EYS: variants seen among roughly 807,000 people sequenced by gnomAD.
The protein encoded by EYS is protein eyes shut homolog.
A neutral mutation model predicts 282.1 loss-of-function variants in EYS; 250 were observed. That is an observed-to-expected ratio of 0.89 (90% CI 0.80 to 0.98). EYS has a LOEUF of 0.98. Ranked by LOEUF, EYS falls within the 50% of genes least tolerant of loss-of-function variation. EYS has a pLI of 0.00. For missense variants in EYS, 4,016 were observed against 3,709.0 expected (o/e 1.08, Z -2.15); for synonymous variants, 1,355 against 1,282.9 (o/e 1.06, Z -1.20).
intron 31 of EYS, among the ~76,000 whole-genome samples, chr6:64,088,990 A>G (rs1772258835): frequency 6.6e-6 from 1 of 151,952 alleles, no homozygotes; most frequent in Non-Finnish European, 1.5e-5. Flanking sequence ...GAAACAGAAT[A>G]TTGTTTGCTA....
chr6:65,398,107 G>T (rs1320017679), intron 7 of EYS, among the ~76,000 whole-genome samples: 1 of 151,836 alleles, frequency 6.6e-6, no homozygotes, highest in East Asian at 1.9e-4. Flanking sequence ...GGGGTTATTT[G>T]ATTTTTTCCT....
intron 26 of EYS, among the ~76,000 whole-genome samples, chr6:64,552,616 A>C (rs149927563): frequency 1.4e-4 from 22 of 152,230 alleles, no homozygotes; most frequent in African/African-American, 5.3e-4. Context: ...ATTGCCAATT[A>C]GAAAATCTTT....
At chr6:63,782,428 G>A (rs1770254105) in intron 39 of EYS, among the ~76,000 whole-genome samples, 1 of 152,088 alleles carries the variant, frequency 6.6e-6, no homozygotes, top group Non-Finnish European at 1.5e-5. Flanking sequence ...CAATTTCAGA[G>A]CCTGTTATTG....
At chr6:65,405,094 A>G (rs1766669523) in intron 6 of EYS, 80 bp downstream of exon 6, 1 of 949,826 alleles carries the variant, frequency 1.1e-6, no homozygotes, top group Non-Finnish European at 1.7e-6. Flanking sequence ...AAGGATTCTA[A>G]TTATTTATTC....
At chr6:65,350,379 C>A (rs985043544) in intron 9 of EYS, among the ~76,000 whole-genome samples, 2 of 150,930 alleles carry the variant, frequency 1.3e-5, no homozygotes, top group Non-Finnish European at 3.0e-5. Context: ...TGTCTTCTAC[C>A]AGAAGATCCA....
intron 12 of EYS, among the ~76,000 whole-genome samples, chr6:65,251,456 C>CAAA (rs5876955): frequency 1.4e-5 from 2 of 146,914 alleles, no homozygotes; most frequent in African/African-American, 5.0e-5. Context: ...GATTTCCAAA[C>CAAA]AAAAAAAAAC....
At chr6:65,494,265 AT>A (rs1766149405) in intron 4 of EYS, among the ~76,000 whole-genome samples, 1 of 151,008 alleles carries the variant, frequency 6.6e-6, no homozygotes, top group Non-Finnish European at 1.5e-5. Flanking sequence ...TTATTTATTT[AT>A]TTTATTTTAT....
intron 5 of EYS, among the ~76,000 whole-genome samples, chr6:65,411,750 C>T (rs942435599): frequency 2.7e-5 from 4 of 150,918 alleles, no homozygotes; most frequent in African/African-American, 9.7e-5. Flanking sequence ...TTGGAATTGT[C>T]TTTTTTGTCC....
Position 64,649,739 on chromosome 6 carries a change from T to A in EYS, c.3444-23494A>T, listed in dbSNP as rs150844881. Among the ~76,000 whole-genome samples, 16 of 152,306 alleles carry A rather than the reference T, an allele frequency of 1.1e-4. No homozygotes were observed. The East Asian group carries it at 3.1e-3, about 29-fold the overall frequency. ...TTATCTGACAAATATCTCAAAGACA[T>A]GACAAATCAATGTCCAAGAGAAAAA... On this transcript the variant is annotated intron_variant, in intron 22 of 42. Coordinates refer to ENST00000503581, the MANE Select transcript of EYS (RefSeq NM_001142800.2).
chr6:65,439,761 C>T (rs950639394), intron 5 of EYS, among the ~76,000 whole-genome samples: 3 of 151,976 alleles, frequency 2.0e-5, no homozygotes, highest in South Asian at 2.1e-4. Context: ...TATGTGTGTC[C>T]TCACAATTTC....
chr6:65,500,403 A>C (rs1352955731), intron 2 of EYS, among the ~76,000 whole-genome samples: 2 of 152,046 alleles, frequency 1.3e-5, no homozygotes, highest in Non-Finnish European at 2.9e-5. Flanking sequence ...TGGCACTTTT[A>C]TAAATTATGA....
At chr6:65,128,482 C>T (rs1031094915) in intron 12 of EYS, among the ~76,000 whole-genome samples, 1 of 152,004 alleles carries the variant, frequency 6.6e-6, no homozygotes, top group African/African-American at 2.4e-5. Flanking sequence ...AGTAAAGTTT[C>T]ACAGTACAAA....
chr6:63,937,585 G>T (rs1452259887), intron 35 of EYS, among the ~76,000 whole-genome samples: 1 of 151,324 alleles, frequency 6.6e-6, no homozygotes, highest in Non-Finnish European at 1.5e-5. Flanking sequence ...GTTTCACTGT[G>T]TTAGCCAGGA....
intron 24 of EYS, among the ~76,000 whole-genome samples, chr6:64,605,724 A>G (rs997892799): frequency 2.5e-4 from 38 of 151,934 alleles, no homozygotes; most frequent in Non-Finnish European, 4.7e-4. Flanking sequence ...ACATTTCAGA[A>G]GTCAAATTGT....
At chr6:65,526,336 G>A (rs1767562946) in intron 2 of EYS, among the ~76,000 whole-genome samples, 1 of 152,050 alleles carries the variant, frequency 6.6e-6, no homozygotes. Context: ...GAGATCAATT[G>A]TAAGTAAAAT....
At chr6:65,457,360 T>C (rs936746379) in intron 5 of EYS, among the ~76,000 whole-genome samples, 2 of 152,048 alleles carry the variant, frequency 1.3e-5, no homozygotes, top group Admixed American at 1.3e-4. Flanking sequence ...AGATGGGGTC[T>C]CACTTTGTTG....
chr6:64,625,128 T>C (rs1409328407), intron 23 of EYS, among the ~76,000 whole-genome samples: 3 of 152,092 alleles, frequency 2.0e-5, no homozygotes, highest in East Asian at 3.9e-4. Context: ...AACATCCGTT[T>C]TGGGTTAACT....
chr6:63,899,357 T>C (rs1773608726), intron 35 of EYS, among the ~76,000 whole-genome samples: 1 of 152,010 alleles, frequency 6.6e-6, no homozygotes, highest in African/African-American at 2.4e-5. Context: ...AGGCACAGGG[T>C]TGGGGCAGGC....
chr6:63,957,058 A>G (rs1414098565), intron 35 of EYS, among the ~76,000 whole-genome samples: 2 of 152,192 alleles, frequency 1.3e-5, no homozygotes, highest in African/African-American at 4.8e-5. Context: ...GATGTACTAT[A>G]TTGATGATCA....
Sources: gnomAD v4.1 joint callset for allele counts (sites outside exome capture counted in the v4.1 genomes callset) on GRCh38, gnomAD v4.1.1 for gene constraint, MANE v1.5 for transcripts, NCBI Gene and HGNC (gene_info 2026-07-23, HGNC 2026-07-21) for gene names.